ARHGEF4: variants seen among roughly 807,000 people sequenced by gnomAD.
ARHGEF4 encodes APC-stimulated guanine nucleotide exchange factor 1.
In ARHGEF4, 119 loss-of-function variants were observed where a neutral mutation model predicts 162.0. The observed-to-expected ratio is 0.73, with a 90% CI of 0.63 to 0.86. The LOEUF (loss-of-function observed/expected upper bound fraction) is 0.86, where lower values mean the gene tolerates loss of function less well. ARHGEF4 is among the 40% of genes least tolerant of loss of function. The pLI, the probability that ARHGEF4 is intolerant of heterozygous loss-of-function variation, is 0.00. For missense variants in ARHGEF4, 2,488 were observed against 2,456.0 expected (o/e 1.01, Z -0.28); for synonymous variants, 1,014 against 979.9 (o/e 1.03, Z -0.65).
chr2:130,998,626 T>G (rs559560322), intron 4 of ARHGEF4, among the ~76,000 whole-genome samples: 1 of 152,358 alleles, frequency 6.6e-6, no homozygotes, highest in Non-Finnish European at 1.5e-5. Context: ...TCTGTGTCTT[T>G]TATGGCTTCA....
chr2:130,988,893 TATATATATAGAG>T (rs1467218721), intron 4 of ARHGEF4, among the ~76,000 whole-genome samples: 1,194 of 113,100 alleles, frequency 0.011, 5 homozygotes, highest in Middle Eastern at 0.024. Context: ...TATATATATA[TATATATATAGAG>T]AGAGAGAGAG....
intron 5 of ARHGEF4, among the ~76,000 whole-genome samples, chr2:131,032,143 C>T (rs1354548500): frequency 6.6e-6 from 1 of 152,066 alleles, no homozygotes; most frequent in Non-Finnish European, 1.5e-5. Flanking sequence ...CGTCTTCCAG[C>T]CTGGTGAGGA....
intron 4 of ARHGEF4, among the ~76,000 whole-genome samples, chr2:130,962,998 G>A (rs1684724121): frequency 6.6e-6 from 1 of 152,078 alleles, no homozygotes; most frequent in Non-Finnish European, 1.5e-5. Flanking sequence ...TAAGAACCTA[G>A]AAGAACCTGT....
At chr2:130,999,427 AT>A (rs1352668666) in intron 4 of ARHGEF4, among the ~76,000 whole-genome samples, 3 of 152,078 alleles carry the variant, frequency 2.0e-5, no homozygotes, top group Admixed American at 6.5e-5. Flanking sequence ...AAGTGCTGGG[AT>A]TACAGGCATG....
At chr2:130,955,612 C>G (rs1030636348) in intron 4 of ARHGEF4, among the ~76,000 whole-genome samples, 3 of 152,134 alleles carry the variant, frequency 2.0e-5, no homozygotes, top group African/African-American at 7.2e-5. Flanking sequence ...GACCACACCA[C>G]ACTGTTAAGC....
At position 130,860,484 on chromosome 2, in the gene ARHGEF4, A is replaced by G. The variant is rs1188052857; in HGVS notation, c.39+23492A>G. Among the ~76,000 whole-genome samples the G allele has an allele frequency of 4.0e-4, 32 of 79,276 alleles. 4 individuals are homozygous for G. Among genetic ancestry groups the G allele is most frequent in the African/African-American group, 1.3e-3 (15 of 11,688 alleles). The allele number at this position is 79,276 out of a possible 152,430, so 52.0% of individuals were successfully genotyped here. ...AGCACTTTGGGAGGCCGAGGCAGGC[A>G]GATCACGAGGTCAGGAGATCGAGAC... On this transcript the variant is annotated intron_variant, in intron 1 of 13. Coordinates refer to ENST00000409359, the MANE Select transcript of ARHGEF4 (RefSeq NM_001367493.1).
At chr2:130,851,592 G>A (rs753184885) in intron 1 of ARHGEF4, among the ~76,000 whole-genome samples, 1 of 152,166 alleles carries the variant, frequency 6.6e-6, no homozygotes, top group Admixed American at 6.5e-5. Flanking sequence ...TGGACGGGCT[G>A]GGGGGGCTCC....
At position 130,915,363 on chromosome 2, in the gene ARHGEF4, C is replaced by T. The variant is rs772482012; in HGVS notation, c.1417C>T (p.Pro473Ser). 7 of 1,550,650 alleles carry T rather than the reference C, an allele frequency of 4.5e-6. No homozygotes were observed. The South Asian group carries it at 8.3e-5, about 18-fold the overall frequency. The change falls in exon 2 of 14, where the codon CCC becomes TCC. Residue 473 changes from proline to serine, a missense_variant. Physicochemically the swap from Pro to Ser is moderately conservative, Grantham distance 74. This residue lies in a region of ARHGEF4 where 1,642 missense variants were observed against 1,481.5 expected (regional missense o/e 1.11). Coordinates refer to ENST00000409359, the MANE Select transcript of ARHGEF4 (RefSeq NM_001367493.1). ...EQSPESRTQEPQGTQLAPRAA... is the reference protein window; with the variant it reads ...EQSPESRTQESQGTQLAPRAA... ...AAGCCCAGAAAGCAGAACCCAGGAA[C>T]CCCAAGGCACCCAACTCGCACCAAG...
At chr2:130,897,638 A>C (rs895928918) in intron 1 of ARHGEF4, among the ~76,000 whole-genome samples, 1 of 152,192 alleles carries the variant, frequency 6.6e-6, no homozygotes, top group Non-Finnish European at 1.5e-5. Context: ...AGTGCCCACT[A>C]CTTGCCGGCA....
intron 1 of ARHGEF4, among the ~76,000 whole-genome samples, chr2:130,898,945 C>T (rs531426942): frequency 2.0e-5 from 3 of 152,100 alleles, no homozygotes; most frequent in East Asian, 3.9e-4. Context: ...CCCAAACACA[C>T]GCATGCAGCT....
intron 5 of ARHGEF4, among the ~76,000 whole-genome samples, chr2:131,036,377 G>A (rs1483237643): frequency 6.6e-6 from 1 of 152,244 alleles, no homozygotes; most frequent in African/African-American, 2.4e-5. Flanking sequence ...AGACACAGGA[G>A]GAGAGCTTGC....
At chr2:130,930,140 G>A (rs917362724) in intron 2 of ARHGEF4, among the ~76,000 whole-genome samples, 19 of 152,028 alleles carry the variant, frequency 1.2e-4, no homozygotes, top group Admixed American at 1.0e-3. Context: ...TGATCTGCCC[G>A]CCTCGGCCTC....
intron 4 of ARHGEF4, among the ~76,000 whole-genome samples, chr2:131,017,693 A>T (rs959641487): frequency 1.1e-4 from 16 of 152,194 alleles, no homozygotes; most frequent in Non-Finnish European, 1.9e-4. Context: ...AGGGAAAGAG[A>T]TGCCTTGCCT....
rs1234988385 is a variant in ARHGEF4 at position 131,044,623 on chromosome 2, G to C, written c.5401+81G>C. The C allele has an allele frequency of 2.0e-6, 3 of 1,497,518 alleles. No homozygotes were observed. In the African/African-American group the frequency reaches 4.2e-5, roughly 21 times the overall value. The allele number at this position is 1,497,518 out of a possible 1,614,324, so 92.8% of individuals were successfully genotyped here. ...CTGCCTGGCCGCCTGCCGGTCAGGAGAGCGCCGCTCAGCCCTCTCAGGTTG... is the reference window on the plus strand; with the variant it reads ...CTGCCTGGCCGCCTGCCGGTCAGGACAGCGCCGCTCAGCCCTCTCAGGTTG... On this transcript the variant is annotated intron_variant, in intron 12 of 13. Coordinates refer to ENST00000409359, the MANE Select transcript of ARHGEF4 (RefSeq NM_001367493.1).
chr2:130,843,176 G>A (rs897226061), intron 1 of ARHGEF4, among the ~76,000 whole-genome samples: 1 of 152,218 alleles, frequency 6.6e-6, no homozygotes, highest in Non-Finnish European at 1.5e-5. Flanking sequence ...TCAGCACGGG[G>A]CAGCCAATAC....
chr2:131,045,673 C>T (rs544534411), intron 13 of ARHGEF4: 2 of 1,489,222 alleles, frequency 1.3e-6, no homozygotes, highest in Admixed American at 2.4e-5. Flanking sequence ...TCCCCCAGAT[C>T]AGGGCCATTG....
chr2:130,845,849 A>C (rs968160063), intron 1 of ARHGEF4, among the ~76,000 whole-genome samples: 4 of 152,230 alleles, frequency 2.6e-5, no homozygotes, highest in Non-Finnish European at 5.9e-5. Flanking sequence ...GGCAGAAGCC[A>C]GACCTACGGT....
At chr2:131,012,082 G>T (rs953022876) in intron 4 of ARHGEF4, among the ~76,000 whole-genome samples, 1 of 152,190 alleles carries the variant, frequency 6.6e-6, no homozygotes, top group African/African-American at 2.4e-5. Flanking sequence ...GAATGCAGTT[G>T]TCTGCTACTG....
At chr2:130,909,790 A>G (rs893109446) in intron 1 of ARHGEF4, among the ~76,000 whole-genome samples, 7 of 152,218 alleles carry the variant, frequency 4.6e-5, no homozygotes, top group Non-Finnish European at 7.3e-5. Flanking sequence ...AGCAGTGTCC[A>G]GAACTTCTGA....
Sources: allele counts gnomAD v4.1 joint callset (sites outside exome capture counted in the v4.1 genomes callset), GRCh38; gene constraint gnomAD v4.1.1; regional missense constraint gnomAD v4.1.1; transcripts MANE v1.5; gene names NCBI Gene and HGNC (gene_info 2026-07-23, HGNC 2026-07-21).